The following MAF variants were observed in gnomAD, a reference collection of about 807,000 sequenced individuals.
MAF encodes the protein MAF bZIP transcription factor, also known as transcription factor Maf.
MAF carries 10 observed loss-of-function variants against 22.0 expected under a neutral mutation model. The observed-to-expected ratio is 0.45, with a 90% CI of 0.28 to 0.77. The LOEUF is 0.77. Among genes scored for constraint, MAF ranks in the 30% least tolerant of loss-of-function variants. The probability of loss-of-function intolerance (pLI) is 0.12; values close to 1 mark genes in which losing one functional copy is unlikely to be tolerated. For missense variants in MAF, 544 were observed against 548.4 expected (o/e 0.99, Z 0.08); for synonymous variants, 337 against 255.8 (o/e 1.32, Z -3.03).
At chr16:79,220,490 T>A in the MAF span, among the ~76,000 whole-genome samples, 1 of 152,262 alleles carries the variant, frequency 6.6e-6, no homozygotes, top group South Asian at 2.1e-4. Flanking sequence ...ACTAAGTAAA[T>A]TATTTTAAAA....
At chr16:79,585,407 G>C (rs539557989), downstream of MAF, among the ~76,000 whole-genome samples, 10 of 151,946 alleles carry the variant, frequency 6.6e-5, no homozygotes, top group Non-Finnish European at 1.5e-4. Context: ...AGCAAGAACT[G>C]AATTATAAGT....
chr16:79,295,174 A>G, the MAF span, among the ~76,000 whole-genome samples: 2 of 152,198 alleles, frequency 1.3e-5, no homozygotes, highest in Non-Finnish European at 2.9e-5. Flanking sequence ...GGTCCTCAAG[A>G]GCTTCAGCCC....
the MAF span, among the ~76,000 whole-genome samples, chr16:79,377,841 T>C: frequency 2.0e-5 from 3 of 152,200 alleles, no homozygotes; most frequent in Non-Finnish European, 2.9e-5. Context: ...TAGTGGTAGA[T>C]ATGCAGCATT....
the MAF span, chr16:79,211,465 G>GCCCAGTACCCTTTGCTATGCCA: frequency 9.8e-7 from 1 of 1,024,918 alleles, no homozygotes; most frequent in Non-Finnish European, 1.5e-6. Context: ...TGTGCTTTCA[G>GCCCAGTACCCTTTGCTATGCCA]CCCAGTACCC....
the MAF span, among the ~76,000 whole-genome samples, chr16:79,389,189 C>G: frequency 6.6e-6 from 1 of 152,170 alleles, no homozygotes; most frequent in African/African-American, 2.4e-5. Context: ...CCACTCAACT[C>G]CTTCCCCACC....
chr16:79,264,726 C>A, the MAF span, among the ~76,000 whole-genome samples: 1 of 152,194 alleles, frequency 6.6e-6, no homozygotes, highest in Non-Finnish European at 1.5e-5. Context: ...CAGCACATCT[C>A]CCAGATACAA....
At chr16:79,239,836 A>G in the MAF span, among the ~76,000 whole-genome samples, 4 of 152,002 alleles carry the variant, frequency 2.6e-5, no homozygotes, top group South Asian at 4.1e-4. Context: ...CAGCCATGGC[A>G]GGGGTAAGGC....
the MAF span, among the ~76,000 whole-genome samples, chr16:79,247,561 G>A: frequency 6.6e-6 from 1 of 152,248 alleles, no homozygotes; most frequent in African/African-American, 2.4e-5. Context: ...TGCCAAAACA[G>A]CCCAAAACAC....
the MAF span, among the ~76,000 whole-genome samples, chr16:79,529,693 G>T: frequency 6.6e-6 from 1 of 152,222 alleles, no homozygotes; most frequent in African/African-American, 2.4e-5. Context: ...GGGCGCGGTG[G>T]CTCACGCCTG....
chr16:79,494,368 G>T, the MAF span, among the ~76,000 whole-genome samples: 1 of 152,112 alleles, frequency 6.6e-6, no homozygotes, highest in East Asian at 1.9e-4. Flanking sequence ...CTGTCAGCAG[G>T]AGTGGCTCTC....
the MAF span, among the ~76,000 whole-genome samples, chr16:79,553,482 A>G: frequency 3.0e-3 from 462 of 152,346 alleles, no homozygotes; most frequent in Non-Finnish European, 4.8e-3. Context: ...GCGTGGAGTC[A>G]GTTTGTGCTC....
chr16:79,221,076 G>C, the MAF span, among the ~76,000 whole-genome samples: 1 of 152,262 alleles, frequency 6.6e-6, no homozygotes. Flanking sequence ...CCAGCCTTTT[G>C]ATAGTGTTCA....
chr16:79,519,983 G>C, the MAF span, among the ~76,000 whole-genome samples: 2 of 152,232 alleles, frequency 1.3e-5, no homozygotes, highest in African/African-American at 4.8e-5. Context: ...GTCTGTGCAG[G>C]TGGAGTTGGG....
chr16:79,237,686 T>A, the MAF span, among the ~76,000 whole-genome samples: 1 of 152,166 alleles, frequency 6.6e-6, no homozygotes, highest in African/African-American at 2.4e-5. Context: ...GCTCCTGCAC[T>A]GTTGGCGTTT....
the MAF span, among the ~76,000 whole-genome samples, chr16:79,559,435 C>T: frequency 4.2e-4 from 64 of 152,258 alleles, no homozygotes; most frequent in Admixed American, 2.9e-3. Flanking sequence ...GGGAAGTCTT[C>T]GAGTGGCAGG....
the MAF span, among the ~76,000 whole-genome samples, chr16:79,411,756 G>A: frequency 1.3e-5 from 2 of 152,158 alleles, no homozygotes; most frequent in Non-Finnish European, 2.9e-5. Context: ...TCCTCTTGCT[G>A]CTCACTCTTC....
the MAF span, among the ~76,000 whole-genome samples, chr16:79,213,994 C>A: frequency 1.3e-5 from 2 of 152,134 alleles, no homozygotes; most frequent in South Asian, 4.1e-4. Flanking sequence ...CTCTGTTCCT[C>A]GAACATGCCA....
At chr16:79,213,248 G>C in the MAF span, among the ~76,000 whole-genome samples, 13 of 152,156 alleles carry the variant, frequency 8.5e-5, no homozygotes, top group Non-Finnish European at 1.2e-4. Flanking sequence ...CTTCAGGCCA[G>C]ACAATGTCTT....
At chr16:79,492,648 G>A in the MAF span, among the ~76,000 whole-genome samples, 1 of 151,750 alleles carries the variant, frequency 6.6e-6, no homozygotes, top group African/African-American at 2.4e-5. Flanking sequence ...TCATGAAAAG[G>A]TTAAGTAAAT....
Sources: gnomAD v4.1 joint callset for allele counts (sites outside exome capture counted in the v4.1 genomes callset) on GRCh38, gnomAD v4.1.1 for gene constraint, MANE v1.5 for transcripts, NCBI Gene and HGNC (gene_info 2026-07-23, HGNC 2026-07-21) for gene names.